FAM3D: variants seen among roughly 807,000 people sequenced by gnomAD.
The protein encoded by FAM3D is FAM3 metabolism regulating signaling molecule D.
Under a neutral mutation model 29.8 loss-of-function variants are expected in FAM3D, and 26 were observed. The ratio of observed to expected loss-of-function variants is 0.87; its 90% CI spans 0.64 to 1.21. FAM3D has a LOEUF of 1.21. FAM3D is among the 50% of genes most tolerant of loss of function. The pLI is 0.00. For missense variants in FAM3D, 253 were observed against 290.9 expected (o/e 0.87, Z 0.95); for synonymous variants, 115 against 102.3 (o/e 1.12, Z -0.75).
At chr3:58,666,134 C>A (rs1170666449) in intron 1 of FAM3D, among the ~76,000 whole-genome samples, 1 of 152,112 alleles carries the variant, frequency 6.6e-6, no homozygotes, top group Non-Finnish European at 1.5e-5. Context: ...CACTGTTGAT[C>A]ATTGGAATGT....
intron 3 of FAM3D, among the ~76,000 whole-genome samples, chr3:58,651,799 T>TAC (rs1175019769): frequency 6.7e-6 from 1 of 148,486 alleles, no homozygotes; most frequent in Non-Finnish European, 1.5e-5. Context: ...CACATCACTG[T>TAC]CTAGTTTGTA....
intron 3 of FAM3D, among the ~76,000 whole-genome samples, chr3:58,652,229 C>T (rs2066657583): frequency 6.6e-6 from 1 of 152,216 alleles, no homozygotes; most frequent in South Asian, 2.1e-4. Flanking sequence ...TCTGTTTTCT[C>T]AGAACACATG....
chr3:58,642,632 C>T (rs1217500718), intron 6 of FAM3D, among the ~76,000 whole-genome samples: 1 of 152,154 alleles, frequency 6.6e-6, no homozygotes, highest in Non-Finnish European at 1.5e-5. Flanking sequence ...GAAACGTGTC[C>T]CTACTTCAGG....
rs1306444741 is a variant in FAM3D at position 58,635,575 on chromosome 3, C to T, written c.585+719G>A. The stretch of plus-strand genomic sequence containing the variant: ...ACCACCTGCCCATGCAGCCTCAGAC[C>T]TCTTGCCTCTTGCTAGGGCCCTGCT... On this transcript the variant is annotated intron_variant, in intron 9 of 9. Coordinates refer to ENST00000358781, the MANE Select transcript of FAM3D (RefSeq NM_138805.3). This position sits in a 1 kb window ranked among gnomAD's most constrained non-coding sequence, Gnocchi z 5.2. Among the ~76,000 whole-genome samples the T allele has an allele frequency of 2.0e-5, 3 of 152,338 alleles. No individual in the cohort carries two copies. The highest frequency in any genetic ancestry group is 7.2e-5 in the African/African-American group (3 of 41,590).
chr3:58,660,403 T>C (rs1394802635), intron 1 of FAM3D, among the ~76,000 whole-genome samples: 1 of 152,184 alleles, frequency 6.6e-6, no homozygotes. Context: ...GGAATCAAAG[T>C]AACCAGAGGC....
At chr3:58,653,890 C>G in intron 2 of FAM3D, 109 bp from the exon 3 acceptor site, 2 of 810,904 alleles carry the variant, frequency 2.5e-6, no homozygotes, top group Admixed American at 3.8e-5. Context: ...AGGCTCAGAC[C>G]ACATCCATGC....
chr3:58,666,399 CTTCCTG>C (rs2067032148), intron 1 of FAM3D, among the ~76,000 whole-genome samples, 171 bp downstream of exon 1: 1 of 152,196 alleles, frequency 6.6e-6, no homozygotes, highest in Non-Finnish European at 1.5e-5. Flanking sequence ...ATCTATTTGC[CTTCCTG>C]AGTCTGATCT....
intron 4 of FAM3D, among the ~76,000 whole-genome samples, chr3:58,646,699 G>A (rs2066492351): frequency 6.6e-6 from 1 of 152,234 alleles, no homozygotes; most frequent in Admixed American, 6.5e-5. Context: ...GTCTGCCAGT[G>A]TGTGCTTTGG....
intron 1 of FAM3D, among the ~76,000 whole-genome samples, chr3:58,656,039 C>T (rs139580349): frequency 2.3e-3 from 356 of 152,240 alleles, no homozygotes; most frequent in African/African-American, 8.4e-3. Context: ...CTCTATCTAC[C>T]TGTCCATCCA....
At position 58,645,610 on chromosome 3, in the gene FAM3D, C is replaced by T. The variant is rs553311501; in HGVS notation, c.162G>A (p.Lys54=). The change falls in exon 5 of 10, where the codon AAG becomes AAA. Residue 54 remains lysine (K), a synonymous_variant. Transcript: ENST00000358781. ...PTKEIQVKKY[K]CGLIKPCPAN... ...CTGGGCAGGGCTTGATGAGGCCACA[C>T]TTGTACTTTTTAACCTCTGGGGAGG... The T allele has an allele frequency of 3.1e-6, 5 of 1,614,154 alleles. No individual in the cohort carries two copies. The East Asian group carries it at 1.1e-4, about 36-fold the overall frequency.
chr3:58,648,702 C>G (rs1235042267), intron 4 of FAM3D, among the ~76,000 whole-genome samples: 1 of 152,190 alleles, frequency 6.6e-6, no homozygotes, highest in East Asian at 1.9e-4. Context: ...ACTCTCTAGC[C>G]AAGGACTCCA....
At chr3:58,652,751 A>G (rs1380707133) in intron 3 of FAM3D, among the ~76,000 whole-genome samples, 1 of 151,272 alleles carries the variant, frequency 6.6e-6, no homozygotes, top group African/African-American at 2.4e-5. Context: ...CCATTTGCCC[A>G]TTCATCTGTC....
intron 1 of FAM3D, among the ~76,000 whole-genome samples, chr3:58,662,609 G>A (rs892051457): frequency 6.6e-6 from 1 of 152,314 alleles, no homozygotes; most frequent in East Asian, 1.9e-4. Context: ...TAAGTAGAAT[G>A]ACTTATGTGG....
chr3:58,659,743 G>A (rs570438721), intron 1 of FAM3D, among the ~76,000 whole-genome samples: 1 of 152,222 alleles, frequency 6.6e-6, no homozygotes, highest in Non-Finnish European at 1.5e-5. Flanking sequence ...TTTGGGAAAG[G>A]AAACTGGGAG....
intron 9 of FAM3D, 72 bp downstream of exon 9, chr3:58,636,222 G>A: frequency 6.4e-7 from 1 of 1,561,858 alleles, no homozygotes; most frequent in East Asian, 2.3e-5. Flanking sequence ...GAGGTGAATG[G>A]GTGACTCCTT....
intron 1 of FAM3D, among the ~76,000 whole-genome samples, chr3:58,658,647 A>T (rs1301496244): frequency 6.6e-6 from 1 of 152,186 alleles, no homozygotes; most frequent in Non-Finnish European, 1.5e-5. Flanking sequence ...GGATGGGAGC[A>T]CATCCATCAT....
At chr3:58,643,545 C>T (rs1282690665) in intron 6 of FAM3D, 117 bp downstream of exon 6, 29 of 1,117,770 alleles carry the variant, frequency 2.6e-5, no homozygotes, top group African/African-American at 7.6e-5. Flanking sequence ...CTGAGCTCTA[C>T]GGGCATTCCT....
intron 4 of FAM3D, among the ~76,000 whole-genome samples, chr3:58,647,776 C>T (rs1010036008): frequency 6.6e-6 from 1 of 152,176 alleles, no homozygotes; most frequent in Non-Finnish European, 1.5e-5. Context: ...CCAACCCCCC[C>T]GGGAACCCTT....
rs770373321 is a variant in FAM3D at position 58,640,088 on chromosome 3, AC to A, written c.373+38del. On this transcript the variant is annotated intron_variant, in intron 7 of 9. Transcript: ENST00000358781. ...GAAGAGGCTCAGCCCTCTGCACCGCACCCCCGACTGTGACTTCAGTGTCAGC... is the reference window on the plus strand; with the variant it reads ...GAAGAGGCTCAGCCCTCTGCACCGCACCCCGACTGTGACTTCAGTGTCAGC... The A allele has an allele frequency of 5.6e-6, 9 of 1,611,044 alleles. No individual in the cohort carries two copies. In the Admixed American group the frequency reaches 1.3e-4, roughly 24 times the overall value.
Sources: allele counts gnomAD v4.1 joint callset (sites outside exome capture counted in the v4.1 genomes callset), GRCh38; gene constraint gnomAD v4.1.1; non-coding constraint Gnocchi (gnomAD v3.1); transcripts MANE v1.5; gene names NCBI Gene and HGNC (gene_info 2026-07-23, HGNC 2026-07-21).